Variants in ZNF672 observed in about 807,000 individuals in gnomAD.
The protein encoded by ZNF672 is hypothetical protein FLJ22301.
For synonymous variants in ZNF672, 358 were observed against 305.6 expected, an observed-to-expected ratio of 1.17 and a Z score of -1.79; for missense variants, 733 against 701.1, an observed-to-expected ratio of 1.05 and a Z score of -0.51.
At position 248,849,219 on chromosome 1, in the gene ZNF672, C is replaced by G. The variant is rs896130749; in HGVS notation, c.*586C>G. ...GTCTCCATGCTAGGAGCTGCCTGCA[C>G]CCTGGCAGAGGTGGCCAGTCACGTG... On this transcript the variant is annotated 3_prime_UTR_variant, in exon 4 of 4. Coordinates refer to ENST00000306562, the MANE Select transcript of ZNF672 (RefSeq NM_024836.3). 12 of 407,724 alleles carry G rather than the reference C, an allele frequency of 2.9e-5. No homozygotes were observed. The highest frequency in any genetic ancestry group is 2.1e-4 in the African/African-American group (10 of 47,958). 25.3% of individuals were successfully genotyped at this position (407,724 alleles called of 1,614,324 possible). A position where few individuals can be genotyped will look rare whatever the true frequency, so the allele number is the denominator to read the frequency against.
intron 3 of ZNF672, among the ~76,000 whole-genome samples, chr1:248,845,924 T>G (rs1572197964): frequency 6.6e-6 from 1 of 152,060 alleles, no homozygotes; most frequent in Non-Finnish European, 1.5e-5. Flanking sequence ...TGAGGCCAGG[T>G]GAGGAGGGCA....
In ZNF672 at chr1:248,847,375, G is replaced by C; in HGVS notation, c.101G>C (p.Arg34Pro). Residue 34 changes from arginine to proline, a missense_variant, in exon 4 of 4, where the codon CGA becomes CCA. Coordinates refer to ENST00000306562, the MANE Select transcript of ZNF672 (RefSeq NM_024836.3). ...CYSSVLLRHERAHGGDGRFRC... is the reference protein window; with the variant it reads ...CYSSVLLRHEPAHGGDGRFRC... ...AGCTCAGTGCTGCTGCGACATGAAC[G>C]AGCTCACGGCGGTGACGGCCGCTTC... 6.2e-7 allele frequency: 1 copy of C among 1,610,282 alleles called. No individual in the cohort carries two copies. The highest frequency in any genetic ancestry group is 8.5e-7 in the Non-Finnish European group (1 of 1,178,326).
rs1659291013 is a variant in ZNF672, at chr1:248,849,276, A to G, written c.*643A>G. ...GGCAGGGCCCTTAGCATGGCCACAC[A>G]TGTCCCCAGGGCAGATCAAGGGGCC... On this transcript the variant is annotated 3_prime_UTR_variant, in exon 4 of 4. Transcript: ENST00000306562. 1 of 376,202 alleles carries G rather than the reference A, an allele frequency of 2.7e-6. No individual in the cohort carries two copies. Among genetic ancestry groups the G allele is most frequent in the Non-Finnish European group, 5.2e-6 (1 of 190,574 alleles). 23.3% of individuals were successfully genotyped at this position (376,202 alleles called of 1,614,324 possible). A position where few individuals can be genotyped will look rare whatever the true frequency, so the allele number is the denominator to read the frequency against.
At chr1:248,843,574 C>A (rs1201683397) in intron 1 of ZNF672, among the ~76,000 whole-genome samples, 1 of 152,164 alleles carries the variant, frequency 6.6e-6, no homozygotes, top group East Asian at 1.9e-4. Flanking sequence ...AGCCTCCTTT[C>A]AAATGTTCCA....
chr1:248,838,861 G>A (rs1030637575), intron 1 of ZNF672: 1 of 152,226 alleles, frequency 6.6e-6, no homozygotes, highest in African/African-American at 2.4e-5. Context: ...GGCCGCCACC[G>A]GGTTCTGGCA....
rs1659192392 is a variant in ZNF672, at chr1:248,847,598, C to A, written c.324C>A (p.Phe108Leu). 1 of 1,543,096 alleles carries A rather than the reference C, an allele frequency of 6.5e-7. No individual in the cohort carries two copies. The highest frequency in any genetic ancestry group is 1.2e-5 in the South Asian group (1 of 85,084). ...TCPCRTCGRR[F>L]PHLPALLLHR... The stretch of plus-strand genomic sequence containing the variant: ...CCTGCCGCACATGCGGCCGGCGCTT[C>A]CCGCACCTCCCGGCGCTGCTGCTAC... Residue 108 changes from phenylalanine to leucine, a missense_variant, in exon 4 of 4, where the codon TTC (phenylalanine) becomes TTA (leucine). Physicochemically the swap from Phe to Leu is conservative, Grantham distance 22. Transcript: ENST00000306562.
chr1:248,841,478 A>G (rs2103027619), intron 1 of ZNF672, among the ~76,000 whole-genome samples: 1 of 152,158 alleles, frequency 6.6e-6, no homozygotes, highest in African/African-American at 2.4e-5. Flanking sequence ...CCCACTATGT[A>G]TGTTCTCTCC....
In ZNF672 at chr1:248,848,194, G is replaced by A; in HGVS notation, c.920G>A (p.Gly307Asp). The stretch of plus-strand genomic sequence containing the variant: ...GTGGTGCACCAGCGCATCCACACGG[G>A]CGAGAAGCCCTTCGCGTGCCCCGAG... ...DLVVHQRIHT[G>D]EKPFACPECG... The change falls in exon 4 of 4, where the codon GGC becomes GAC. Residue 307 changes from glycine to aspartate, a missense_variant. By Grantham distance (94) the Gly-to-Asp change is moderately conservative (BLOSUM62 -1). Coordinates refer to ENST00000306562, the MANE Select transcript of ZNF672 (RefSeq NM_024836.3). The A allele has an allele frequency of 1.2e-6, 2 of 1,600,694 alleles. No individual in the cohort carries two copies. The highest frequency in any genetic ancestry group is 2.2e-5 in the South Asian group (2 of 90,650).
Position 248,847,262 on chromosome 1 carries a change from A to T in ZNF672, c.-13A>T. On this transcript the variant is annotated 5_prime_UTR_variant, in exon 4 of 4. Coordinates refer to ENST00000306562, the MANE Select transcript of ZNF672 (RefSeq NM_024836.3). ...GTGTGAGTGGCACGCTTCCCTGTGAACCCGTCCTCACCATGTTTGCCACAT... is the reference window on the plus strand; with the variant it reads ...GTGTGAGTGGCACGCTTCCCTGTGATCCCGTCCTCACCATGTTTGCCACAT... 6.3e-7 allele frequency: 1 copy of T among 1,594,018 alleles called. No individual in the cohort carries two copies. The highest frequency in any genetic ancestry group is 8.6e-7 in the Non-Finnish European group (1 of 1,163,382).
At position 248,848,246 on chromosome 1, in the gene ZNF672, G is replaced by A. The variant is rs939749154; in HGVS notation, c.972G>A (p.Ser324=). Reference sequence around the variant, plus strand: ...GCGGCCGCCGCTTCAGCGACCGCTCGGACCTCACCAAGCACCGGCGCACGC... The same window carrying A: ...GCGGCCGCCGCTTCAGCGACCGCTCAGACCTCACCAAGCACCGGCGCACGC... ...PECGRRFSDR[S]DLTKHRRTHT... The change falls in exon 4 of 4, where the codon TCG becomes TCA. Residue 324 remains serine (S), a synonymous_variant. Transcript: ENST00000306562. The A allele has an allele frequency of 1.4e-5, 23 of 1,601,048 alleles. No individual in the cohort carries two copies. Among genetic ancestry groups the A allele is most frequent in the African/African-American group, 2.7e-5 (2 of 74,274 alleles).
At position 248,847,330 on chromosome 1, in the gene ZNF672, G is replaced by T. The variant is rs1659153429; in HGVS notation, c.56G>T (p.Cys19Phe). Residue 19 changes from cysteine (C) to phenylalanine (F), a missense_variant, in exon 4 of 4, where the codon TGT becomes TTT. Coordinates refer to ENST00000306562, the MANE Select transcript of ZNF672 (RefSeq NM_024836.3). ...AAGKPYSCSECGKSFCYSSVL... is the reference protein window; with the variant it reads ...AAGKPYSCSEFGKSFCYSSVL... Reference sequence around the variant, plus strand: ...GGGAAGCCTTACTCGTGCAGCGAATGTGGCAAGAGCTTCTGCTACAGCTCA... The same window carrying T: ...GGGAAGCCTTACTCGTGCAGCGAATTTGGCAAGAGCTTCTGCTACAGCTCA... The T allele has an allele frequency of 6.2e-7, 1 of 1,611,436 alleles. No individual in the cohort carries two copies. Among genetic ancestry groups the T allele is most frequent in the South Asian group, 1.1e-5 (1 of 91,016 alleles).
At chr1:248,842,156 C>G (rs932567714) in intron 1 of ZNF672, among the ~76,000 whole-genome samples, 6 of 152,072 alleles carry the variant, frequency 3.9e-5, no homozygotes, top group Non-Finnish European at 8.8e-5. Context: ...TAGAATAGGG[C>G]TGAAGTCTGT....
chr1:248,847,913 G>C lies in ZNF672; in HGVS notation c.639G>C (p.Thr213=), dbSNP rs564842394. The change falls in exon 4 of 4, where the codon ACG becomes ACC. Residue 213 remains threonine, a synonymous_variant. Transcript: ENST00000306562. ...VCGKCFGKSS[T]LTRHLQTHSG... The stretch of plus-strand genomic sequence containing the variant: ...GCAAGTGCTTTGGCAAGAGCTCTAC[G>C]CTGACGCGACACCTGCAGACGCACT... 297 of 1,583,814 alleles carry C rather than the reference G, an allele frequency of 1.9e-4. 2 individuals are homozygous for C. In the South Asian group the frequency reaches 3.2e-3, roughly 17 times the overall value.
chr1:248,849,130 T>C lies in ZNF672; in HGVS notation c.*497T>C, dbSNP rs1162880094. 1 of 470,426 alleles carries C rather than the reference T, an allele frequency of 2.1e-6. No homozygotes were observed. The highest frequency in any genetic ancestry group is 2.4e-5 in the Admixed American group (1 of 42,300). 29.1% of individuals were successfully genotyped at this position (470,426 alleles called of 1,614,324 possible). A position where few individuals can be genotyped will look rare whatever the true frequency, so the allele number is the denominator to read the frequency against. On this transcript the variant is annotated 3_prime_UTR_variant, in exon 4 of 4. Transcript: ENST00000306562. ...TGGCTTCTTGACTCTTGGTTCCCTG[T>C]TAACTCTGTTTCTGAGAAATGTGGG...
Position 248,849,223 on chromosome 1 carries a change from G to C in ZNF672, c.*590G>C. 1 of 404,022 alleles carries C rather than the reference G, an allele frequency of 2.5e-6. No individual in the cohort carries two copies. Among genetic ancestry groups the C allele is most frequent in the Non-Finnish European group, 5.1e-6 (1 of 197,102 alleles). 25.0% of individuals were successfully genotyped at this position (404,022 alleles called of 1,614,324 possible). On this transcript the variant is annotated 3_prime_UTR_variant, in exon 4 of 4. Transcript: ENST00000306562. ...CCATGCTAGGAGCTGCCTGCACCCT[G>C]GCAGAGGTGGCCAGTCACGTGAAGG...
Position 248,848,844 on chromosome 1 carries a change from G to A in ZNF672, c.*211G>A, listed in dbSNP as rs948976485. On this transcript the variant is annotated 3_prime_UTR_variant, in exon 4 of 4. Coordinates refer to ENST00000306562, the MANE Select transcript of ZNF672 (RefSeq NM_024836.3). ...TCGGCCCTTTTGCCATGCTGTCCTC[G>A]TATAACTCGGATTCTCTCCTCAGGT... The A allele has an allele frequency of 1.5e-5, 12 of 776,490 alleles. No homozygotes were observed. The highest frequency in any genetic ancestry group is 8.6e-5 in the African/African-American group (5 of 58,278). The allele number at this position is 776,490 out of a possible 1,614,324, so 48.1% of individuals were successfully genotyped here. A position where few individuals can be genotyped will look rare whatever the true frequency, so the allele number is the denominator to read the frequency against.
chr1:248,848,028 G>A lies in ZNF672; in HGVS notation c.754G>A (p.Glu252Lys), dbSNP rs1186102239. The change falls in exon 4 of 4, where the codon GAG becomes AAG. Residue 252 changes from glutamate (E) to lysine (K), a missense_variant. Physicochemically the swap from Glu to Lys is moderately conservative, Grantham distance 56. Coordinates refer to ENST00000306562, the MANE Select transcript of ZNF672 (RefSeq NM_024836.3). ...LVRHQRTHTG[E>K]KPYACGDCGR... Reference sequence around the variant, plus strand: ...GCGCCACCAGCGCACACACACGGGCGAGAAGCCGTACGCATGTGGCGACTG... The same window carrying A: ...GCGCCACCAGCGCACACACACGGGCAAGAAGCCGTACGCATGTGGCGACTG... 2 of 1,555,472 alleles carry A rather than the reference G, an allele frequency of 1.3e-6. No individual in the cohort carries two copies. The highest frequency in any genetic ancestry group is 2.3e-5 in the South Asian group (2 of 85,586).
chr1:248,839,189 A>C (rs1343460030), intron 1 of ZNF672: 1 of 152,338 alleles, frequency 6.6e-6, no homozygotes, highest in Admixed American at 6.5e-5. Context: ...CAGTTCGCGC[A>C]AGTGGAGCTA....
At chr1:248,844,209 C>G (rs1169114754) in intron 1 of ZNF672, among the ~76,000 whole-genome samples, 1 of 151,968 alleles carries the variant, frequency 6.6e-6, no homozygotes, top group South Asian at 2.1e-4. Flanking sequence ...CTTCTTAGTA[C>G]CTGTTTTGTT....
Sources: gnomAD v4.1 joint callset for allele counts (sites outside exome capture counted in the v4.1 genomes callset) on GRCh38, gnomAD v4.1.1 for gene constraint, MANE v1.5 for transcripts, NCBI Gene and HGNC (gene_info 2026-07-23, HGNC 2026-07-21) for gene names.